The following CCDC102B variants were observed in gnomAD, a reference collection of about 807,000 sequenced individuals.
The protein encoded by CCDC102B is coiled-coil domain containing 102B, also known as coiled-coil domain-containing protein 102B.
Under a neutral mutation model 57.4 loss-of-function variants are expected in CCDC102B, and 75 were observed. The observed-to-expected ratio is 1.31, with a 90% CI of 1.08 to 1.58. The LOEUF is 1.58. CCDC102B is among the 40% of genes most tolerant of loss of function. The pLI, the probability that CCDC102B is intolerant of heterozygous loss-of-function variation, is 0.00. For synonymous variants in CCDC102B, 206 were observed against 201.9 expected, an observed-to-expected ratio of 1.02 and a Z score of -0.17; for missense variants, 636 against 582.6, an observed-to-expected ratio of 1.09 and a Z score of -0.94.
intron 7 of CCDC102B, among the ~76,000 whole-genome samples, chr18:69,048,536 A>T (rs73457725): frequency 0.02 from 3,095 of 152,220 alleles, 102 homozygotes; most frequent in African/African-American, 0.069. Flanking sequence ...ATTAGGAATT[A>T]TAGATAGCAA....
At chr18:68,841,813 A>G (rs1472169337) in intron 3 of CCDC102B, among the ~76,000 whole-genome samples, 3 of 152,084 alleles carry the variant, frequency 2.0e-5, no homozygotes, top group Non-Finnish European at 2.9e-5. Context: ...GCTCACTGCA[A>G]TCTCAGCCTC....
In CCDC102B at chr18:68,812,537, C is replaced by A. The variant is rs544035170; in HGVS notation, c.-16+14356C>A. On this transcript the variant is annotated intron_variant, in intron 1 of 7. Coordinates refer to ENST00000360242, the MANE Select transcript of CCDC102B (RefSeq NM_024781.3). Reference sequence around the variant, plus strand: ...AGAACAACATAGCAGATCTGAATAGCGTCTCTATAGTTTAGAGGGGCTAAA... The same window carrying A: ...AGAACAACATAGCAGATCTGAATAGAGTCTCTATAGTTTAGAGGGGCTAAA... 3.0e-3 allele frequency among the ~76,000 whole-genome samples: 455 copies of A among 152,214 alleles called. 10 individuals are homozygous for A. Among genetic ancestry groups the A allele is most frequent in the East Asian group, 9.7e-4 (5 of 5,172 alleles).
intron 7 of CCDC102B, among the ~76,000 whole-genome samples, chr18:69,034,302 G>T (rs922477904): frequency 6.6e-6 from 1 of 151,794 alleles, no homozygotes; most frequent in African/African-American, 2.4e-5. Context: ...ATGTAATAAA[G>T]ATTTACTCTC....
intron 2 of CCDC102B, among the ~76,000 whole-genome samples, chr18:68,722,000 A>T (rs1206762908): frequency 6.6e-6 from 1 of 152,246 alleles, no homozygotes; most frequent in African/African-American, 2.4e-5. Context: ...GGGCAAGTAC[A>T]TGATACAAGG....
At chr18:68,823,847 T>C (rs1214821479) in intron 1 of CCDC102B, among the ~76,000 whole-genome samples, 1 of 152,160 alleles carries the variant, frequency 6.6e-6, no homozygotes, top group Non-Finnish European at 1.5e-5. Flanking sequence ...TGACTTATTG[T>C]GTGTCTTCTT....
intron 1 of CCDC102B, among the ~76,000 whole-genome samples, chr18:68,803,885 A>G (rs960524918): frequency 1.3e-5 from 2 of 152,202 alleles, no homozygotes; most frequent in African/African-American, 4.8e-5. Flanking sequence ...ACAACATCAT[A>G]AACTACAACC....
At chr18:68,751,622 T>A (rs2033854576) in intron 2 of CCDC102B, among the ~76,000 whole-genome samples, 1 of 152,172 alleles carries the variant, frequency 6.6e-6, no homozygotes, top group African/African-American at 2.4e-5. Flanking sequence ...TGACCCAAAT[T>A]TTTTGCCACT....
At chr18:68,864,290 A>G (rs113142219) in intron 4 of CCDC102B, among the ~76,000 whole-genome samples, 2,662 of 151,696 alleles carry the variant, frequency 0.018, 56 homozygotes, top group East Asian at 0.077. Flanking sequence ...TATATTTTCT[A>G]TTCTTTCAAT....
chr18:68,825,542 T>C (rs185871010), intron 1 of CCDC102B, among the ~76,000 whole-genome samples: 160 of 152,014 alleles, frequency 1.1e-3, no homozygotes, highest in African/African-American at 3.8e-3. Flanking sequence ...ATATAAAAAT[T>C]AGTCAGGCAT....
chr18:68,883,542 T>G (rs2039768145), intron 5 of CCDC102B, among the ~76,000 whole-genome samples: 2 of 152,220 alleles, frequency 1.3e-5, no homozygotes, highest in African/African-American at 4.8e-5. Context: ...CTCTCCCTTC[T>G]TCTCACATAG....
At chr18:68,811,520 C>G (rs2036263513) in intron 1 of CCDC102B, among the ~76,000 whole-genome samples, 1 of 152,128 alleles carries the variant, frequency 6.6e-6, no homozygotes, top group Non-Finnish European at 1.5e-5. Context: ...AAGGCTGAGG[C>G]AGGAGAATCA....
intron 5 of CCDC102B, among the ~76,000 whole-genome samples, chr18:68,883,798 G>A (rs1273257530): frequency 6.6e-6 from 1 of 152,132 alleles, no homozygotes; most frequent in Non-Finnish European, 1.5e-5. Flanking sequence ...TGAGTACAGT[G>A]CCCTTCTCAA....
intron 6 of CCDC102B, among the ~76,000 whole-genome samples, chr18:68,924,914 G>A (rs2041424973): frequency 6.6e-6 from 1 of 152,026 alleles, no homozygotes; most frequent in South Asian, 2.1e-4. Context: ...CTGTTTACCA[G>A]TGCCCACCCC....
At chr18:69,004,835 AATG>A (rs1232842295) in intron 6 of CCDC102B, among the ~76,000 whole-genome samples, 9 of 152,192 alleles carry the variant, frequency 5.9e-5, no homozygotes, top group Non-Finnish European at 1.3e-4. Context: ...TTGTGGAATG[AATG>A]ATATTATATC....
At chr18:68,956,343 T>TATATAAAATATATAATAG (rs2049851614) in intron 6 of CCDC102B, among the ~76,000 whole-genome samples, 2 of 49,410 alleles carry the variant, frequency 4.0e-5, no homozygotes, top group Non-Finnish European at 8.3e-5. Flanking sequence ...ATATATAATA[T>TATATAAAATATATAATAG]ATATATTAAT....
chr18:68,924,981 G>GTTC (rs1206802309), intron 6 of CCDC102B, among the ~76,000 whole-genome samples: 1 of 151,964 alleles, frequency 6.6e-6, no homozygotes, highest in Non-Finnish European at 1.5e-5. Flanking sequence ...TCTCTCACAA[G>GTTC]TTCCCAGCTG....
chr18:69,009,909 A>G (rs1359774889), intron 6 of CCDC102B, among the ~76,000 whole-genome samples: 1 of 85,136 alleles, frequency 1.2e-5, no homozygotes, highest in Non-Finnish European at 2.9e-5. Context: ...CTTTTTCTTT[A>G]TAGTTTTAAT....
At chr18:68,833,565 T>C (rs1448067056) in intron 1 of CCDC102B, among the ~76,000 whole-genome samples, 2 of 152,042 alleles carry the variant, frequency 1.3e-5, no homozygotes, top group East Asian at 1.9e-4. Flanking sequence ...CCTTTTCCCT[T>C]TTAATAGAAG....
chr18:68,865,572 A>G (rs945402571), intron 4 of CCDC102B, among the ~76,000 whole-genome samples: 1 of 152,178 alleles, frequency 6.6e-6, no homozygotes. Context: ...TGCCTAAGGA[A>G]GTACTTTGCA....
Sources: allele counts gnomAD v4.1 joint callset (sites outside exome capture counted in the v4.1 genomes callset), GRCh38; gene constraint gnomAD v4.1.1; transcripts MANE v1.5; gene names NCBI Gene and HGNC (gene_info 2026-07-23, HGNC 2026-07-21).